TRDMT1: variants seen among roughly 807,000 people sequenced by gnomAD.
TRDMT1 encodes tRNA (cytosine(38)-C(5))-methyltransferase.
Under a neutral mutation model 51.2 loss-of-function variants are expected in TRDMT1, and 49 were observed. The ratio of observed to expected loss-of-function variants is 0.96; its 90% CI spans 0.76 to 1.21. The LOEUF (loss-of-function observed/expected upper bound fraction) is 1.21, where lower values mean the gene tolerates loss of function less well. Among genes scored for constraint, TRDMT1 ranks in the 50% most tolerant of loss-of-function variants. The pLI, the probability that TRDMT1 is intolerant of heterozygous loss-of-function variation, is 0.00. For missense variants in TRDMT1, 534 were observed against 462.3 expected, an observed-to-expected ratio of 1.16 and a Z score of -1.42; for synonymous variants, 187 against 164.6, an observed-to-expected ratio of 1.14 and a Z score of -1.04.
intron 1 of TRDMT1, among the ~76,000 whole-genome samples, chr10:17,181,767 C>T (rs1843311284): frequency 6.6e-6 from 1 of 152,132 alleles, no homozygotes. Flanking sequence ...CCCAATAGTG[C>T]TATTGTCAGG....
chr10:17,190,322 T>C (rs1844516107), intron 1 of TRDMT1, among the ~76,000 whole-genome samples: 1 of 151,938 alleles, frequency 6.6e-6, no homozygotes, highest in African/African-American at 2.4e-5. Flanking sequence ...ACCTTATTTA[T>C]CATTATGATA....
In TRDMT1 at chr10:17,142,419, G is replaced by A. The variant is rs532904779; in HGVS notation, c.*6621C>T. ...TCTGGTGCTGCTGGGGTTCCCGAAT[G>A]GTCCTTCATGATGCTACTTTAGGGA... On this transcript the variant is annotated 3_prime_UTR_variant, in exon 11 of 11. Coordinates refer to ENST00000377799, the MANE Select transcript of TRDMT1 (RefSeq NM_004412.7). The A allele has an allele frequency of 6.6e-6, 1 of 152,126 alleles. No homozygotes were observed. The highest frequency in any genetic ancestry group is 6.6e-5 in the Admixed American group (1 of 15,262). The allele number at this position is 152,126 out of a possible 1,614,324, so 9.4% of individuals were successfully genotyped here. A position where few individuals can be genotyped will look rare whatever the true frequency, so the allele number is the denominator to read the frequency against.
At chr10:17,171,023 T>C (rs1484534568) in intron 2 of TRDMT1, among the ~76,000 whole-genome samples, 1 of 152,142 alleles carries the variant, frequency 6.6e-6, no homozygotes, top group Non-Finnish European at 1.5e-5. Context: ...TATCAAGTCA[T>C]AGTGCTAATG....
rs529157531 is a variant in TRDMT1, at chr10:17,148,408, T to C, written c.*632A>G. On this transcript the variant is annotated 3_prime_UTR_variant, in exon 11 of 11. Transcript: ENST00000377799. ...GGAAAAATGAGTTTTGTCCTTCAGATAGAGGCTGAGGAAAATGTAGATAAT... is the reference window on the plus strand; with the variant it reads ...GGAAAAATGAGTTTTGTCCTTCAGACAGAGGCTGAGGAAAATGTAGATAAT... 22 of 985,444 alleles carry C rather than the reference T, an allele frequency of 2.2e-5. No homozygotes were observed. The South Asian group carries it at 7.5e-4, about 34-fold the overall frequency. 61.0% of individuals were successfully genotyped at this position (985,444 alleles called of 1,614,324 possible).
chr10:17,162,247 T>TTAAA lies in TRDMT1; in HGVS notation c.252-11_252-10insTTTA. 7.4e-7 allele frequency: 1 copy of TTAAA among 1,352,326 alleles called. No homozygotes were observed. Among genetic ancestry groups the TTAAA allele is most frequent in the Non-Finnish European group, 1.0e-6 (1 of 1,004,718 alleles). The allele number at this position is 1,352,326 out of a possible 1,614,324, so 83.8% of individuals were successfully genotyped here. ...ACCCTGCCGGCCAATCCTAAAGGGG[T>TTAAA]AAAAAAAAAAAAAAACAAAAAAAAA... On this transcript the variant is annotated splice_polypyrimidine_tract_variant and intron_variant, in intron 3 of 10. Transcript: ENST00000377799.
chr10:17,195,969 C>T (rs1588692807), intron 1 of TRDMT1, among the ~76,000 whole-genome samples: 1 of 152,214 alleles, frequency 6.6e-6, no homozygotes, highest in East Asian at 1.9e-4. Context: ...ATAGGCCAGC[C>T]CCTAACAACT....
At position 17,144,822 on chromosome 10, in the gene TRDMT1, T is replaced by A; in HGVS notation, c.*4218A>T. The A allele has an allele frequency of 1.0e-6, 1 of 985,360 alleles. No individual in the cohort carries two copies. Among genetic ancestry groups the A allele is most frequent in the Non-Finnish European group, 1.2e-6 (1 of 829,888 alleles). The allele number at this position is 985,360 out of a possible 1,614,324, so 61.0% of individuals were successfully genotyped here. On this transcript the variant is annotated 3_prime_UTR_variant, in exon 11 of 11. Transcript: ENST00000377799. ...AACAAAAAATACTTTTTCTTTTTTT[T>A]TTTAAACTGAAGCTTTAAAATTTCA...
At chr10:17,193,071 A>G (rs1479730511) in intron 1 of TRDMT1, among the ~76,000 whole-genome samples, 2 of 152,156 alleles carry the variant, frequency 1.3e-5, no homozygotes, top group African/African-American at 4.8e-5. Context: ...CTCAACAGAA[A>G]GAAATAAAGG....
chr10:17,145,117 T>C lies in TRDMT1; in HGVS notation c.*3923A>G. 1 of 573,614 alleles carries C rather than the reference T, an allele frequency of 1.7e-6. No homozygotes were observed. Among genetic ancestry groups the C allele is most frequent in the Non-Finnish European group, 2.2e-6 (1 of 453,906 alleles). The allele number at this position is 573,614 out of a possible 1,614,324, so 35.5% of individuals were successfully genotyped here. A position where few individuals can be genotyped will look rare whatever the true frequency, so the allele number is the denominator to read the frequency against. On this transcript the variant is annotated 3_prime_UTR_variant, in exon 11 of 11. Coordinates refer to ENST00000377799, the MANE Select transcript of TRDMT1 (RefSeq NM_004412.7). ...CAAAAATTAGCTAGGTGTGGTGGCA[T>C]GCGCCTGTAATCCCAGCTACTAGGG...
intron 1 of TRDMT1, among the ~76,000 whole-genome samples, chr10:17,192,352 A>AT (rs1844799405): frequency 6.6e-6 from 1 of 152,186 alleles, no homozygotes; most frequent in Admixed American, 6.5e-5. Context: ...TTCTAGGAGA[A>AT]AACAGAGATA....
At chr10:17,171,111 ATGTGTGTGTGTGTGTGTG>A (rs66891484) in intron 2 of TRDMT1, among the ~76,000 whole-genome samples, 1 of 142,824 alleles carries the variant, frequency 7.0e-6, no homozygotes, top group Non-Finnish European at 1.5e-5. Flanking sequence ...CTGGATTTAG[ATGTGTGTGTGTGTGTGTG>A]TGTGTGTGTG....
intron 1 of TRDMT1, among the ~76,000 whole-genome samples, chr10:17,181,924 A>G (rs188062471): frequency 3.3e-5 from 5 of 152,220 alleles, no homozygotes; most frequent in Admixed American, 3.3e-4. Context: ...GGGGAAACTT[A>G]CCTCACTCAT....
intron 1 of TRDMT1, among the ~76,000 whole-genome samples, chr10:17,184,733 C>T (rs1182590883): frequency 6.6e-6 from 1 of 152,184 alleles, no homozygotes; most frequent in Non-Finnish European, 1.5e-5. Context: ...AACTGCCTCA[C>T]TCATTTCCCC....
In TRDMT1 at chr10:17,148,393, G is replaced by C; in HGVS notation, c.*647C>G. The C allele has an allele frequency of 1.0e-6, 1 of 985,386 alleles. No homozygotes were observed. Among genetic ancestry groups the C allele is most frequent in the Non-Finnish European group, 1.2e-6 (1 of 829,922 alleles). The allele number at this position is 985,386 out of a possible 1,614,324, so 61.0% of individuals were successfully genotyped here. Reference sequence around the variant, plus strand: ...ATACAAAATGAAGAAGGAAAAATGAGTTTTGTCCTTCAGATAGAGGCTGAG... The same window carrying C: ...ATACAAAATGAAGAAGGAAAAATGACTTTTGTCCTTCAGATAGAGGCTGAG... On this transcript the variant is annotated 3_prime_UTR_variant, in exon 11 of 11. Coordinates refer to ENST00000377799, the MANE Select transcript of TRDMT1 (RefSeq NM_004412.7).
rs1221211554 is a variant in TRDMT1 at position 17,144,081 on chromosome 10, A to C, written c.*4959T>G. The C allele has an allele frequency of 1.0e-6, 1 of 985,328 alleles. No homozygotes were observed. Among genetic ancestry groups the C allele is most frequent in the Non-Finnish European group, 1.2e-6 (1 of 829,944 alleles). 61.0% of individuals were successfully genotyped at this position (985,328 alleles called of 1,614,324 possible). ...GAAAGGGTGAGAATCTCTAAGAAAA[A>C]TGGCATGAAAAGTGAAGGGTAGAAA... On this transcript the variant is annotated 3_prime_UTR_variant, in exon 11 of 11. Transcript: ENST00000377799.
intron 1 of TRDMT1, among the ~76,000 whole-genome samples, chr10:17,194,951 A>AATC (rs1845201711): frequency 9.7e-6 from 1 of 103,134 alleles, no homozygotes; most frequent in Non-Finnish European, 2.1e-5. Context: ...AAAAAAGTCA[A>AATC]AAAAAAAAAA....
intron 1 of TRDMT1, among the ~76,000 whole-genome samples, chr10:17,189,192 G>A (rs1249015483): frequency 6.6e-6 from 1 of 152,036 alleles, no homozygotes; most frequent in Non-Finnish European, 1.5e-5. Flanking sequence ...TCATATAGAA[G>A]AATTTATGCC....
chr10:17,172,624 T>C (rs1328028426), intron 2 of TRDMT1, among the ~76,000 whole-genome samples: 4 of 152,052 alleles, frequency 2.6e-5, no homozygotes, highest in Non-Finnish European at 5.9e-5. Context: ...TAAAGAAGGT[T>C]TTTCAGGAAG....
chr10:17,161,535 G>T lies in TRDMT1; in HGVS notation c.337C>A (p.Pro113Thr). The T allele has an allele frequency of 7.8e-7, 1 of 1,279,346 alleles. No homozygotes were observed. Among genetic ancestry groups the T allele is most frequent in the South Asian group, 1.5e-5 (1 of 67,142 alleles). The allele number at this position is 1,279,346 out of a possible 1,614,324, so 79.2% of individuals were successfully genotyped here. A position where few individuals can be genotyped will look rare whatever the true frequency, so the allele number is the denominator to read the frequency against. The change falls in exon 5 of 11, where the codon CCA becomes ACA. Residue 113 changes from proline (P) to threonine (T), a missense_variant. Physicochemically the swap from Pro to Thr is conservative, Grantham distance 38. Coordinates refer to ENST00000377799, the MANE Select transcript of TRDMT1 (RefSeq NM_004412.7). ...ACATTTTCCAAAAGAATATACTTTG[G>T]TAATTTTTGTAATCTATAAAAAAAT... is the stretch of plus-strand genomic sequence containing the variant. ...LDILPRLQKL[P>T]KYILLENVKG...
Sources: gnomAD v4.1 joint callset for allele counts (sites outside exome capture counted in the v4.1 genomes callset) on GRCh38, gnomAD v4.1.1 for gene constraint, MANE v1.5 for transcripts, NCBI Gene and HGNC (gene_info 2026-07-23, HGNC 2026-07-21) for gene names.